The following CCSER1 variants were observed in gnomAD, a reference collection of about 807,000 sequenced individuals.
CCSER1 encodes the protein coiled-coil serine rich protein 1.
Under a neutral mutation model 82.0 loss-of-function variants are expected in CCSER1, and 41 were observed. That is an observed-to-expected ratio of 0.50 (90% confidence interval 0.39 to 0.65). The LOEUF is 0.65. Ranked by LOEUF, CCSER1 falls within the 30% of genes least tolerant of loss-of-function variation. The probability of loss-of-function intolerance (pLI) is 0.00; values close to 1 mark genes in which losing one functional copy is unlikely to be tolerated. For missense variants in CCSER1, 1,119 were observed against 1,064.2 expected (o/e 1.05, Z -0.72); for synonymous variants, 414 against 383.9 (o/e 1.08, Z -0.92).
intron 10 of CCSER1, among the ~76,000 whole-genome samples, chr4:91,468,481 A>G (rs1190676958): frequency 2.6e-5 from 4 of 151,974 alleles, no homozygotes; most frequent in Admixed American, 2.6e-4. Flanking sequence ...GTGCACATGT[A>G]CCCTAGAACT....
chr4:90,684,579 T>C (rs1185870915), intron 6 of CCSER1, among the ~76,000 whole-genome samples: 1 of 152,194 alleles, frequency 6.6e-6, no homozygotes. Flanking sequence ...TATAACATTT[T>C]AATGGAAACA....
chr4:90,628,492 G>T (rs1369046188), intron 6 of CCSER1, among the ~76,000 whole-genome samples: 1 of 152,164 alleles, frequency 6.6e-6, no homozygotes, highest in Admixed American at 6.5e-5. Context: ...CCCCCTATTT[G>T]TCAGGTAAGG....
chr4:91,518,363 C>A (rs569927936), intron 10 of CCSER1, among the ~76,000 whole-genome samples: 1 of 152,034 alleles, frequency 6.6e-6, no homozygotes, highest in African/African-American at 2.4e-5. Context: ...TTGGGTGGGA[C>A]CCATGGGAGA....
At chr4:90,569,192 T>G (rs554710333) in intron 5 of CCSER1, among the ~76,000 whole-genome samples, 48 of 152,168 alleles carry the variant, frequency 3.2e-4, no homozygotes, top group Middle Eastern at 3.4e-3. Context: ...TATGTAAAGC[T>G]GATAACAATA....
Position 91,555,555 on chromosome 4 carries a change from T to A in CCSER1, c.2218-43017T>A, listed in dbSNP as rs1277307405. Among the ~76,000 whole-genome samples the A allele has an allele frequency of 1.3e-5, 2 of 151,020 alleles. 1 individual carries two copies. The highest frequency in any genetic ancestry group is 1.3e-4 in the Admixed American group (2 of 15,094). ...AGGAATACAGTGAGGATATATAATT[T>A]ATACTAACATTAATGTTATCCATTT... is the stretch of plus-strand genomic sequence containing the variant. On this transcript the variant is annotated intron_variant, in intron 10 of 10. Transcript: ENST00000509176.
At chr4:90,567,396 T>C (rs1003419518) in intron 5 of CCSER1, among the ~76,000 whole-genome samples, 1 of 151,754 alleles carries the variant, frequency 6.6e-6, no homozygotes, top group African/African-American at 2.4e-5. Flanking sequence ...GTTCAAGCGA[T>C]TCTCCTGCCT....
At chr4:90,388,426 C>T (rs1270287642) in intron 3 of CCSER1, among the ~76,000 whole-genome samples, 1 of 151,984 alleles carries the variant, frequency 6.6e-6, no homozygotes, top group Non-Finnish European at 1.5e-5. Flanking sequence ...TCTCCTGCCT[C>T]AGCCTCCTGA....
intron 6 of CCSER1, among the ~76,000 whole-genome samples, chr4:90,639,006 A>G (rs1251820206): frequency 1.3e-5 from 2 of 152,126 alleles, no homozygotes; most frequent in African/African-American, 4.8e-5. Context: ...TATTTGGACA[A>G]TTAAGCAATA....
At chr4:91,048,229 A>G (rs969687519) in intron 9 of CCSER1, among the ~76,000 whole-genome samples, 2 of 152,014 alleles carry the variant, frequency 1.3e-5, no homozygotes, top group Non-Finnish European at 1.5e-5. Context: ...TATTTTATGT[A>G]TGAAATAGAC....
chr4:90,618,607 T>C (rs1297829955), intron 5 of CCSER1, among the ~76,000 whole-genome samples: 1 of 151,926 alleles, frequency 6.6e-6, no homozygotes, highest in Non-Finnish European at 1.5e-5. Flanking sequence ...ATTAATCAAA[T>C]TTATTACATG....
intron 10 of CCSER1, among the ~76,000 whole-genome samples, chr4:91,122,447 T>G (rs1331565411): frequency 6.6e-6 from 1 of 151,778 alleles, no homozygotes; most frequent in Non-Finnish European, 1.5e-5. Context: ...ACATATTTTG[T>G]TGCCTCAGTA....
chr4:90,270,538 A>T (rs191280953), intron 1 of CCSER1, among the ~76,000 whole-genome samples: 27 of 152,254 alleles, frequency 1.8e-4, no homozygotes, highest in African/African-American at 6.0e-4. Flanking sequence ...AGCTAGTATC[A>T]TACAGACTAG....
At chr4:90,812,800 A>G (rs1338267637) in intron 7 of CCSER1, among the ~76,000 whole-genome samples, 1 of 152,108 alleles carries the variant, frequency 6.6e-6, no homozygotes, top group African/African-American at 2.4e-5. Flanking sequence ...GAGAGAGCTT[A>G]AGGGAAACTG....
At chr4:90,547,775 A>G (rs544096987) in intron 5 of CCSER1, among the ~76,000 whole-genome samples, 13 of 152,280 alleles carry the variant, frequency 8.5e-5, no homozygotes, top group Admixed American at 3.9e-4. Context: ...CTTGCTAGAC[A>G]TAAGATAATT....
At chr4:90,334,080 A>G (rs1739907077) in intron 3 of CCSER1, among the ~76,000 whole-genome samples, 1 of 152,212 alleles carries the variant, frequency 6.6e-6, no homozygotes, top group Non-Finnish European at 1.5e-5. Context: ...TGTATTCTTA[A>G]CACAACCATT....
At chr4:90,554,786 A>C (rs1414302487) in intron 5 of CCSER1, among the ~76,000 whole-genome samples, 7 of 152,186 alleles carry the variant, frequency 4.6e-5, no homozygotes, top group Non-Finnish European at 8.8e-5. Flanking sequence ...TTCTCATCAT[A>C]CCTCGTTTTT....
chr4:90,424,820 A>G (rs899164235), intron 4 of CCSER1, among the ~76,000 whole-genome samples: 1 of 152,158 alleles, frequency 6.6e-6, no homozygotes, highest in Non-Finnish European at 1.5e-5. Flanking sequence ...CAGATCCAAG[A>G]TTAACTTTAT....
intron 10 of CCSER1, among the ~76,000 whole-genome samples, chr4:91,577,088 A>C (rs1262279441): frequency 6.6e-6 from 1 of 152,064 alleles, no homozygotes; most frequent in Admixed American, 6.6e-5. Context: ...TACTGAACAC[A>C]CTTTAAGAGA....
chr4:90,212,201 A>G (rs1170057581), intron 1 of CCSER1, among the ~76,000 whole-genome samples: 1 of 152,158 alleles, frequency 6.6e-6, no homozygotes, highest in Non-Finnish European at 1.5e-5. Flanking sequence ...CACTGTAAAG[A>G]GCTCAAGTTT....
Sources: allele counts gnomAD v4.1 joint callset (sites outside exome capture counted in the v4.1 genomes callset), GRCh38; gene constraint gnomAD v4.1.1; transcripts MANE v1.5; gene names NCBI Gene and HGNC (gene_info 2026-07-23, HGNC 2026-07-21).